ZNF208: variants seen among roughly 807,000 people sequenced by gnomAD.
ZNF208 encodes zinc finger protein 208, also known as zinc finger protein 95.
In ZNF208, 10 loss-of-function variants were observed where a neutral mutation model predicts 12.1. That is an observed-to-expected ratio of 0.83 (90% confidence interval 0.51 to 1.40). The LOEUF (loss-of-function observed/expected upper bound fraction) is 1.40. ZNF208 is among the 40% of genes most tolerant of loss of function. The pLI is 0.00. For missense variants in ZNF208, 1,652 were observed against 1,485.0 expected (o/e 1.11, Z -1.85); for synonymous variants, 497 against 488.4 (o/e 1.02, Z -0.23).
intron 3 of ZNF208, 47 bp downstream of exon 3, chr19:21,987,169 T>C: frequency 1.3e-6 from 2 of 1,582,142 alleles, no homozygotes; most frequent in Admixed American, 1.8e-5. Context: ...GCTTCCTCCT[T>C]GACTTTCGAC....
chr19:21,956,961 G>C (rs1016372817), intron 4 of ZNF208, among the ~76,000 whole-genome samples: 6 of 152,216 alleles, frequency 3.9e-5, no homozygotes, highest in Non-Finnish European at 8.8e-5. Flanking sequence ...CAGACATCTT[G>C]GGACTTCTAT....
At chr19:21,986,649 T>A (rs1970632576) in intron 3 of ZNF208, 1 of 167,878 alleles carries the variant, frequency 6.0e-6, no homozygotes, top group Non-Finnish European at 1.3e-5. Flanking sequence ...AATACAATCA[T>A]AAAATTTACA....
rs570369484 is a variant in ZNF208, at chr19:21,972,616, T to C, written c.2418A>G (p.Lys806=). The C allele has an allele frequency of 4.6e-5, 75 of 1,613,362 alleles. No homozygotes were observed. The Middle Eastern group carries it at 2.1e-3, about 46-fold the overall frequency. ...TAAAGGTTTTGCCACATTCTTCACA[T>C]TTGTAGGGTTTCTCATCAGTATGAA... ...KRIHTDEKPY[K]CEECGKTFSK... Residue 806 remains lysine, a synonymous_variant, in exon 4 of 4, where the codon AAA becomes AAG. Coordinates refer to ENST00000397126, the MANE Select transcript of ZNF208 (RefSeq NM_007153.3).
chr19:21,963,088 C>T (rs1441963166), downstream of ZNF208, among the ~76,000 whole-genome samples: 1 of 152,026 alleles, frequency 6.6e-6, no homozygotes, highest in African/African-American at 2.4e-5. Context: ...CAGTGGAAAG[C>T]AGGCCAGCTG....
chr19:21,946,306 T>G (rs1347634450), intron 4 of ZNF208, among the ~76,000 whole-genome samples: 2 of 152,156 alleles, frequency 1.3e-5, no homozygotes, highest in Admixed American at 6.5e-5. Flanking sequence ...TTATGGATCA[T>G]TACTTCAGCC....
intron 4 of ZNF208, among the ~76,000 whole-genome samples, chr19:21,960,323 T>C (rs1469673515): frequency 2.0e-5 from 3 of 152,018 alleles, no homozygotes; most frequent in Non-Finnish European, 4.4e-5. Flanking sequence ...GGCATAGAAA[T>C]AAAGGTATCT....
chr19:21,968,732 A>G lies in ZNF208; in HGVS notation c.*2459T>C, dbSNP rs994358155. On this transcript the variant is annotated 3_prime_UTR_variant, in exon 4 of 4. Transcript: ENST00000397126. ...CAAGTTAGGGTGAAATCCCACCTTGATTTTTTCGAATGCATTCAGTAGGCT... is the reference window on the plus strand; with the variant it reads ...CAAGTTAGGGTGAAATCCCACCTTGGTTTTTTCGAATGCATTCAGTAGGCT... Among the ~76,000 whole-genome samples, 6 of 149,802 alleles carry G rather than the reference A, an allele frequency of 4.0e-5. No individual in the cohort carries two copies. The highest frequency in any genetic ancestry group is 1.5e-4 in the African/African-American group (6 of 40,312).
chr19:21,973,975 GAACT>G lies in ZNF208; in HGVS notation c.1055_1058del (p.Lys352ThrfsTer9). On this transcript the variant is annotated frameshift_variant, in exon 4 of 4. Transcript: ENST00000397126. LOFTEE classifies it low-confidence loss of function (END_TRUNC). Reference sequence around the variant, plus strand: ...TTACCTTATGTTTAGTAAGGATTGAGAACTTACTAAAGGCTTTGCCACATTCTTT... The same window carrying G: ...TTACCTTATGTTTAGTAAGGATTGAGTACTAAAGGCTTTGCCACATTCTTT... The G allele has an allele frequency of 6.2e-7, 1 of 1,613,130 alleles. No individual in the cohort carries two copies. Among genetic ancestry groups the G allele is most frequent in the Non-Finnish European group, 8.5e-7 (1 of 1,179,764 alleles).
intron 4 of ZNF208, among the ~76,000 whole-genome samples, chr19:21,953,417 T>C (rs1175390208): frequency 7.1e-6 from 1 of 141,294 alleles, no homozygotes; most frequent in Non-Finnish European, 1.5e-5. Flanking sequence ...GCCAGAAAGG[T>C]CAGGTTACCC....
intron 3 of ZNF208, among the ~76,000 whole-genome samples, chr19:21,985,827 C>G (rs1367924544): frequency 6.6e-6 from 1 of 152,198 alleles, no homozygotes; most frequent in Non-Finnish European, 1.5e-5. Flanking sequence ...CAGAAATGCT[C>G]TCTGGTACTC....
intron 1 of ZNF208, among the ~76,000 whole-genome samples, chr19:22,010,196 A>G (rs190969203): frequency 6.6e-6 from 1 of 152,286 alleles, no homozygotes; most frequent in Non-Finnish European, 1.5e-5. Context: ...AAAAATAAAT[A>G]AATAAATAAA....
chr19:21,985,466 T>G (rs1474405937), intron 3 of ZNF208, among the ~76,000 whole-genome samples: 2 of 152,224 alleles, frequency 1.3e-5, no homozygotes, highest in Non-Finnish European at 2.9e-5. Flanking sequence ...TGTGAAACTT[T>G]GCTAAAGCCC....
chr19:21,996,564 A>AT (rs1257903385), intron 1 of ZNF208, among the ~76,000 whole-genome samples: 2 of 152,084 alleles, frequency 1.3e-5, no homozygotes, highest in Non-Finnish European at 2.9e-5. Context: ...ATAAAAACTT[A>AT]TTTTTTTCTT....
At position 21,971,356 on chromosome 19, in the gene ZNF208, T is replaced by C. The variant is rs757073412; in HGVS notation, c.3678A>G (p.Lys1226=). ...KKIHTGEKPY[K]CEECGKAFST... Reference sequence around the variant, plus strand: ...TAAAGGCTTTGCCACATTCTTCACATTTGTAGGGTTTCTCTCCAGTATGAA... The same window carrying C: ...TAAAGGCTTTGCCACATTCTTCACACTTGTAGGGTTTCTCTCCAGTATGAA... Residue 1226 remains lysine, a synonymous_variant, in exon 4 of 4, where the codon AAA becomes AAG. Transcript: ENST00000397126. 2.5e-6 allele frequency: 4 copies of C among 1,611,314 alleles called. No individual in the cohort carries two copies. In the South Asian group the frequency reaches 4.4e-5, roughly 18 times the overall value.
chr19:21,972,429 C>T lies in ZNF208; in HGVS notation c.2605G>A (p.Ala869Thr), dbSNP rs544806644. ...KPYKCEECGKAYKWPSTLSYH... is the reference protein window; with the variant it reads ...KPYKCEECGKTYKWPSTLSYH... The stretch of plus-strand genomic sequence containing the variant: ...CTAAGGGTTGAGGGCCATTTATAGG[C>T]TTTGCCACATTCTTCACATTTGTAG... The change falls in exon 4 of 4, where the codon GCC becomes ACC. Residue 869 changes from alanine (A) to threonine (T), a missense_variant. Coordinates refer to ENST00000397126, the MANE Select transcript of ZNF208 (RefSeq NM_007153.3). 2.5e-6 allele frequency: 4 copies of T among 1,612,926 alleles called. No individual in the cohort carries two copies.
Position 21,971,543 on chromosome 19 carries a change from G to T in ZNF208, c.3491C>A (p.Thr1164Asn). 2 of 1,610,668 alleles carry T rather than the reference G, an allele frequency of 1.2e-6. No individual in the cohort carries two copies. Among genetic ancestry groups the T allele is most frequent in the South Asian group, 1.1e-5 (1 of 91,020 alleles). ...TTCACATTTGTAGGGTTTCTCTACA[G>T]TATGAATTTTCTTATGATAACTAAG... The part of the protein sequence containing the change: ...STLSYHKKIH[T>N]VEKPYKCEEC... Residue 1164 changes from threonine (T) to asparagine (N), a missense_variant, in exon 4 of 4, where the codon ACT becomes AAT. Around this residue, in one of 3 missense-constraint regions of ZNF208, gnomAD observed 1,239 missense variants for 1,086.2 expected, o/e 1.14. Transcript: ENST00000397126.
rs755989311 is a variant in ZNF208, at chr19:21,971,363, G to T, written c.3671C>A (p.Pro1224His). Residue 1224 changes from proline to histidine, a missense_variant, in exon 4 of 4, where the codon CCC becomes CAC. Coordinates refer to ENST00000397126, the MANE Select transcript of ZNF208 (RefSeq NM_007153.3). ...YHKKIHTGEKPYKCEECGKAF... is the reference protein window; with the variant it reads ...YHKKIHTGEKHYKCEECGKAF... ...TTTGCCACATTCTTCACATTTGTAG[G>T]GTTTCTCTCCAGTATGAATTTTCTT... 4.3e-6 allele frequency: 7 copies of T among 1,610,190 alleles called. No individual in the cohort carries two copies. Among genetic ancestry groups the T allele is most frequent in the South Asian group, 2.2e-5 (2 of 90,986 alleles).
chr19:21,992,410 T>C (rs1970757005), intron 1 of ZNF208, among the ~76,000 whole-genome samples: 2 of 152,372 alleles, frequency 1.3e-5, no homozygotes, highest in Admixed American at 1.3e-4. Flanking sequence ...TTCTGTAATT[T>C]TTAGTAGTGA....
chr19:21,986,546 GAATA>G (rs1458353961), intron 3 of ZNF208, among the ~76,000 whole-genome samples: 1 of 151,760 alleles, frequency 6.6e-6, no homozygotes, highest in African/African-American at 2.4e-5. Flanking sequence ...TCAATTCAAA[GAATA>G]AATGGTAAAA....
Sources: gnomAD v4.1 joint callset for allele counts (sites outside exome capture counted in the v4.1 genomes callset) on GRCh38, gnomAD v4.1.1 for gene constraint, gnomAD v4.1.1 regional missense constraint, MANE v1.5 for transcripts, NCBI Gene and HGNC (gene_info 2026-07-23, HGNC 2026-07-21) for gene names.